Variants in APP observed in about 807,000 individuals in gnomAD.
APP encodes amyloid-beta precursor protein.
APP carries 31 observed loss-of-function variants against 101.4 expected under a neutral mutation model. That is an observed-to-expected ratio of 0.31 (90% confidence interval 0.23 to 0.41). The LOEUF (loss-of-function observed/expected upper bound fraction) is 0.41. Ranked by LOEUF, APP falls within the 10% of genes least tolerant of loss-of-function variation. The pLI is 1.00. For synonymous variants in APP, 366 were observed against 364.4 expected (o/e 1.00, Z -0.05); for missense variants, 839 against 1,003.7 (o/e 0.84, Z 2.22).
intron 17 of APP, among the ~76,000 whole-genome samples, chr21:25,891,227 TTAAAGG>T (rs145769346): frequency 6.6e-6 from 1 of 152,304 alleles, no homozygotes; most frequent in East Asian, 1.9e-4. Context: ...CTGAGAAACT[TTAAAGG>T]TAAGAGTCTG....
chr21:25,887,517 GAAAAAAAAAAAAAAAAAAAAA>G (rs199637906), intron 17 of APP, among the ~76,000 whole-genome samples: 5 of 114,464 alleles, frequency 4.4e-5, no homozygotes, highest in Admixed American at 2.0e-4. Flanking sequence ...CTGCTTATTT[GAAAAAAAAAAAAAAAAAAAAA>G]AACAACAACT....
At chr21:25,962,904 C>T (rs1264706478) in intron 11 of APP, among the ~76,000 whole-genome samples, 1 of 152,174 alleles carries the variant, frequency 6.6e-6, no homozygotes, top group Non-Finnish European at 1.5e-5. Context: ...CCTCCACCTC[C>T]TGGGTTCAAG....
intron 2 of APP, among the ~76,000 whole-genome samples, chr21:26,103,564 G>A (rs1212445587): frequency 6.6e-6 from 1 of 152,104 alleles, no homozygotes; most frequent in African/African-American, 2.4e-5. Context: ...TCATGCCACT[G>A]CACTCCAGCC....
chr21:25,970,803 T>C (rs193192366), intron 11 of APP, among the ~76,000 whole-genome samples: 125 of 152,172 alleles, frequency 8.2e-4, no homozygotes, highest in Non-Finnish European at 1.6e-3. Flanking sequence ...ACAGGGTAAA[T>C]AGTATCTTAC....
At chr21:26,036,822 C>G (rs1362049675) in intron 5 of APP, among the ~76,000 whole-genome samples, 1 of 152,138 alleles carries the variant, frequency 6.6e-6, no homozygotes, top group Non-Finnish European at 1.5e-5. Context: ...ATCCAGCAAT[C>G]CCACTACTGG....
At chr21:26,096,949 G>C (rs964276901) in intron 2 of APP, among the ~76,000 whole-genome samples, 9 of 152,204 alleles carry the variant, frequency 5.9e-5, no homozygotes, top group Non-Finnish European at 1.0e-4. Context: ...GGATCTGGCA[G>C]AGACCGGATC....
At chr21:25,925,742 C>A (rs1042526757) in intron 13 of APP, among the ~76,000 whole-genome samples, 1 of 99,326 alleles carries the variant, frequency 1.0e-5, no homozygotes, top group African/African-American at 4.0e-5. Flanking sequence ...CAAGACCAGC[C>A]TGGCCAACAT....
intron 1 of APP, chr21:26,140,452 C>T (rs896182136): frequency 2.4e-5 from 26 of 1,066,874 alleles, no homozygotes; most frequent in Middle Eastern, 3.0e-4. Context: ...CCAAAGCCTC[C>T]GGAACTCTGT....
chr21:26,136,851 T>C (rs1286788222), intron 1 of APP, among the ~76,000 whole-genome samples: 2 of 152,310 alleles, frequency 1.3e-5, no homozygotes, highest in Admixed American at 6.5e-5. Flanking sequence ...CTGTAGAAAC[T>C]AGAATGTCAT....
chr21:26,051,123 C>T lies in APP; in HGVS notation c.539G>A (p.Arg180Gln), dbSNP rs200898059. The T allele has an allele frequency of 3.7e-6, 6 of 1,614,016 alleles. No individual in the cohort carries two copies. In the South Asian group the frequency reaches 5.5e-5, roughly 15 times the overall value. Residue 180 changes from arginine (R) to glutamine (Q), a missense_variant, in exon 5 of 18, where the codon CGA becomes CAA. Transcript: ENST00000346798. Reference protein sequence around the residue: ...MLLPCGIDKFRGVEFVCCPLA... With the variant: ...MLLPCGIDKFQGVEFVCCPLA... ...TGGGCAACACACAAACTCTACCCCT[C>T]GGAACTTGTCAATTCCGCAGGGCAG... is the stretch of plus-strand genomic sequence containing the variant.
chr21:25,900,390 A>T (rs1440811246), intron 15 of APP, among the ~76,000 whole-genome samples: 5 of 137,786 alleles, frequency 3.6e-5, no homozygotes, highest in Admixed American at 3.5e-4. Context: ...AAAAAAAAAA[A>T]AAAAAAAAAA....
Position 26,140,295 on chromosome 21 carries a change from T to G in APP, c.58-28149A>C, listed in dbSNP as rs1456217127. The G allele has an allele frequency of 6.5e-6, 10 of 1,534,538 alleles. No individual in the cohort carries two copies. In the East Asian group the frequency reaches 2.4e-4, roughly 38 times the overall value. ...AACTGTTAACTGCAGTGACCACAAC[T>G]TGACCCAGGCCAGAGCTTCCATCCT... On this transcript the variant is annotated intron_variant, in intron 1 of 17. Transcript: ENST00000346798.
rs548539998 is a variant in APP at position 26,122,813 on chromosome 21, C to A, written c.58-10667G>T. Among the ~76,000 whole-genome samples the A allele has an allele frequency of 4.1e-5, 6 of 146,070 alleles. No homozygotes were observed. In the South Asian group the frequency reaches 1.1e-3, roughly 26 times the overall value. On this transcript the variant is annotated intron_variant, in intron 1 of 17. Transcript: ENST00000346798. ...TAAAAGATTTCTTAAAGGTCATTAA[C>A]GCAAGTCATATTAGAAGAGATCACA...
At chr21:26,140,314 C>T (rs1601557907) in intron 1 of APP, 1 of 1,530,420 alleles carries the variant, frequency 6.5e-7, no homozygotes, top group Admixed American at 2.0e-5. Context: ...GCCAGAGCTT[C>T]CATCCTCGGG....
intron 3 of APP, among the ~76,000 whole-genome samples, chr21:26,070,736 T>C (rs564982617): frequency 2.6e-5 from 4 of 152,282 alleles, no homozygotes; most frequent in African/African-American, 9.6e-5. Context: ...TTTGAGACTT[T>C]TGAAACAAAA....
chr21:25,923,286 A>C (rs1249291344), intron 13 of APP, among the ~76,000 whole-genome samples: 2 of 144,278 alleles, frequency 1.4e-5, no homozygotes, highest in African/African-American at 5.6e-5. Flanking sequence ...CCTAGAAGAA[A>C]ACCTAGGCAT....
intron 11 of APP, among the ~76,000 whole-genome samples, chr21:25,971,670 C>T (rs1448048580): frequency 6.6e-6 from 1 of 152,102 alleles, no homozygotes; most frequent in Non-Finnish European, 1.5e-5. Flanking sequence ...GAAACTGAAG[C>T]CAGGGGGAAA....
At chr21:26,022,623 T>C (rs1174892694) in intron 5 of APP, among the ~76,000 whole-genome samples, 1 of 152,204 alleles carries the variant, frequency 6.6e-6, no homozygotes, top group African/African-American at 2.4e-5. Context: ...TAGTTTCTGC[T>C]TGAATTCTTT....
At chr21:26,015,249 G>A (rs2043999148) in intron 6 of APP, among the ~76,000 whole-genome samples, 1 of 37,308 alleles carries the variant, frequency 2.7e-5, no homozygotes, top group South Asian at 1.4e-3. Context: ...AAATGCAATG[G>A]AGGATCGGAA....
Sources: allele counts gnomAD v4.1 joint callset (sites outside exome capture counted in the v4.1 genomes callset), GRCh38; gene constraint gnomAD v4.1.1; transcripts MANE v1.5; gene names NCBI Gene and HGNC (gene_info 2026-07-23, HGNC 2026-07-21).